VWC2: variants seen among roughly 807,000 people sequenced by gnomAD.
VWC2 encodes the protein brorin.
VWC2 carries 14 observed loss-of-function variants against 29.8 expected under a neutral mutation model. That is an observed-to-expected ratio of 0.47 (90% CI 0.31 to 0.74). The LOEUF is 0.74. VWC2 is among the 30% of genes least tolerant of loss of function. VWC2 has a pLI of 0.05. For missense variants in VWC2, 457 were observed against 459.8 expected, an observed-to-expected ratio of 0.99 and a Z score of 0.05; for synonymous variants, 213 against 199.0, an observed-to-expected ratio of 1.07 and a Z score of -0.59.
At position 49,921,603 on chromosome 7, in the gene VWC2, G is replaced by T. The variant is rs1334689425; in HGVS notation, c.*9418G>T. The T allele has an allele frequency of 3.3e-5, 5 of 152,048 alleles. No individual in the cohort carries two copies. Among genetic ancestry groups the T allele is most frequent in the African/African-American group, 1.2e-4 (5 of 41,388 alleles). The allele number at this position is 152,048 out of a possible 1,614,324, so 9.4% of individuals were successfully genotyped here. A position where few individuals can be genotyped will look rare whatever the true frequency, so the allele number is the denominator to read the frequency against. ...AAGAGGATTAAATGAGTGAATATTT[G>T]TAAAACACGTAGCCTAGAATAGATA... On this transcript the variant is annotated 3_prime_UTR_variant, in exon 4 of 4. Transcript: ENST00000340652.
chr7:49,776,178 G>A (rs1197907967), intron 2 of VWC2, 47 bp downstream of exon 2: 1 of 1,444,584 alleles, frequency 6.9e-7, no homozygotes, highest in Non-Finnish European at 9.2e-7. Flanking sequence ...TCCAGGAAGG[G>A]GTGGAACAGC....
chr7:49,804,034 T>TA (rs1482467764), intron 3 of VWC2, among the ~76,000 whole-genome samples: 1 of 152,136 alleles, frequency 6.6e-6, no homozygotes, highest in East Asian at 1.9e-4. Flanking sequence ...TGGACAGTGT[T>TA]AAAACAAAGA....
intron 3 of VWC2, among the ~76,000 whole-genome samples, chr7:49,839,933 T>A (rs574845547): frequency 5.3e-5 from 8 of 152,206 alleles, no homozygotes; most frequent in Non-Finnish European, 8.8e-5. Context: ...ATGAATGATT[T>A]CTAGGATCAG....
chr7:49,795,348 C>T (rs900116803), intron 2 of VWC2, among the ~76,000 whole-genome samples: 2 of 152,160 alleles, frequency 1.3e-5, no homozygotes, highest in African/African-American at 2.4e-5. Context: ...GAGAGTTAGA[C>T]GTCTGGAATG....
chr7:49,862,950 C>T (rs1204687017), intron 3 of VWC2, among the ~76,000 whole-genome samples: 1 of 152,144 alleles, frequency 6.6e-6, no homozygotes, highest in Non-Finnish European at 1.5e-5. Flanking sequence ...CTCAATCTGG[C>T]TTTGGTATCA....
chr7:49,853,565 A>G (rs1288208117), intron 3 of VWC2, among the ~76,000 whole-genome samples: 1 of 151,798 alleles, frequency 6.6e-6, no homozygotes, highest in Non-Finnish European at 1.5e-5. Context: ...TAGACTATAA[A>G]CCCTATAATG....
At chr7:49,895,393 CA>C (rs1234764673) in intron 3 of VWC2, among the ~76,000 whole-genome samples, 5 of 152,168 alleles carry the variant, frequency 3.3e-5, no homozygotes, top group African/African-American at 1.2e-4. Context: ...CAGATCACAG[CA>C]TTGTGCATCA....
At chr7:49,859,790 G>GCA (rs57768700) in intron 3 of VWC2, among the ~76,000 whole-genome samples, 2,745 of 11,984 alleles carry the variant, frequency 0.23, 37 homozygotes, top group Middle Eastern at 0.35. Context: ...GCGCGTGCGT[G>GCA]CACACACACA....
At chr7:49,838,541 T>C (rs1562724978) in intron 3 of VWC2, among the ~76,000 whole-genome samples, 1 of 151,856 alleles carries the variant, frequency 6.6e-6, no homozygotes, top group Non-Finnish European at 1.5e-5. Context: ...GCTAGAGTTC[T>C]CCCAGGGCTA....
chr7:49,885,855 G>A (rs561474782), intron 3 of VWC2, among the ~76,000 whole-genome samples: 35 of 152,370 alleles, frequency 2.3e-4, no homozygotes, highest in African/African-American at 8.2e-4. Flanking sequence ...CAGCATTCAG[G>A]GTACACCTGG....
At chr7:49,846,990 C>T (rs1191341241) in intron 3 of VWC2, among the ~76,000 whole-genome samples, 1 of 152,130 alleles carries the variant, frequency 6.6e-6, no homozygotes, top group East Asian at 1.9e-4. Flanking sequence ...CTGTAAATTT[C>T]CTACCTGCAG....
At chr7:49,820,964 G>A (rs1416530302) in intron 3 of VWC2, among the ~76,000 whole-genome samples, 2 of 152,174 alleles carry the variant, frequency 1.3e-5, no homozygotes, top group African/African-American at 4.8e-5. Flanking sequence ...CCTTCAGCCT[G>A]CACCACCTAT....
At chr7:49,872,392 C>T (rs989422068) in intron 3 of VWC2, among the ~76,000 whole-genome samples, 1 of 151,820 alleles carries the variant, frequency 6.6e-6, no homozygotes, top group African/African-American at 2.4e-5. Flanking sequence ...ATTGGGTTTA[C>T]ACAGAAAAAA....
chr7:49,800,113 C>T (rs1439176643), intron 2 of VWC2, among the ~76,000 whole-genome samples: 2 of 152,136 alleles, frequency 1.3e-5, no homozygotes, highest in African/African-American at 4.8e-5. Flanking sequence ...AGCATGCTGG[C>T]CTGTGTGCAT....
intron 3 of VWC2, among the ~76,000 whole-genome samples, chr7:49,803,345 A>T (rs1788789864): frequency 6.6e-6 from 1 of 152,200 alleles, no homozygotes. Flanking sequence ...GATGTCCTTG[A>T]TCCTAATTTG....
intron 3 of VWC2, among the ~76,000 whole-genome samples, chr7:49,840,462 G>T (rs978418831): frequency 6.6e-6 from 1 of 152,118 alleles, no homozygotes; most frequent in African/African-American, 2.4e-5. Flanking sequence ...GCTGCTGCTT[G>T]GTAGCCCCCA....
intron 3 of VWC2, among the ~76,000 whole-genome samples, chr7:49,851,153 G>A (rs997261416): frequency 6.6e-6 from 1 of 152,182 alleles, no homozygotes; most frequent in Admixed American, 6.5e-5. Context: ...GGGTTTTAGA[G>A]GCTTCACTGC....
Position 49,897,186 on chromosome 7 carries a change from C to T in VWC2, c.827-14848C>T, listed in dbSNP as rs542360301. Among the ~76,000 whole-genome samples the T allele has an allele frequency of 6.1e-4, 93 of 152,204 alleles. 1 individual carries two copies. Among genetic ancestry groups the T allele is most frequent in the African/African-American group, 2.1e-3 (87 of 41,546 alleles). On this transcript the variant is annotated intron_variant, in intron 3 of 3. Coordinates refer to ENST00000340652, the MANE Select transcript of VWC2 (RefSeq NM_198570.5). Reference sequence around the variant, plus strand: ...CTGGGATTACAGGCGTGAGCCACCGCGCCCGGCCGGATTGATAATTTTTTA... The same window carrying T: ...CTGGGATTACAGGCGTGAGCCACCGTGCCCGGCCGGATTGATAATTTTTTA...
In VWC2 at chr7:49,776,601, C is replaced by G. The variant is rs1190528544; in HGVS notation, c.696+470C>G. On this transcript the variant is annotated intron_variant, in intron 2 of 3. Coordinates refer to ENST00000340652, the MANE Select transcript of VWC2 (RefSeq NM_198570.5). The stretch of plus-strand genomic sequence containing the variant: ...TAGATTATGTGTTTAGGGTATCATG[C>G]AAATGTTCTAAAAATTAAAAGAAAA... 3.9e-5 allele frequency among the ~76,000 whole-genome samples: 6 copies of G among 152,142 alleles called. No homozygotes were observed. In the East Asian group the frequency reaches 1.2e-3, roughly 29 times the overall value.
Sources: gnomAD v4.1 joint callset for allele counts (sites outside exome capture counted in the v4.1 genomes callset) on GRCh38, gnomAD v4.1.1 for gene constraint, MANE v1.5 for transcripts, NCBI Gene and HGNC (gene_info 2026-07-23, HGNC 2026-07-21) for gene names.